OBSL1: variants seen among roughly 807,000 people sequenced by gnomAD.
OBSL1 encodes the protein obscurin-like protein 1.
Under a neutral mutation model 172.0 loss-of-function variants are expected in OBSL1, and 160 were observed. The ratio of observed to expected loss-of-function variants is 0.93; its 90% CI spans 0.82 to 1.06. The LOEUF (loss-of-function observed/expected upper bound fraction) is 1.06. Ranked by LOEUF, OBSL1 falls within the 50% of genes least tolerant of loss-of-function variation. The pLI is 0.00. For missense variants in OBSL1, 2,681 were observed against 2,715.4 expected, an observed-to-expected ratio of 0.99 and a Z score of 0.28; for synonymous variants, 1,200 against 1,196.3, an observed-to-expected ratio of 1.00 and a Z score of -0.06.
At chr2:219,561,600 G>T (rs1156703504) in intron 8 of OBSL1, 1 of 463,144 alleles carries the variant, frequency 2.2e-6, no homozygotes, top group Non-Finnish European at 4.0e-6. Flanking sequence ...GGCCGTGTCT[G>T]CGTGCTGCTG....
Position 219,564,451 on chromosome 2 carries a change from T to C in OBSL1, c.2407+791A>G, listed in dbSNP as rs184398567. Among the ~76,000 whole-genome samples, 21 of 152,352 alleles carry C rather than the reference T, an allele frequency of 1.4e-4. No homozygotes were observed. The East Asian group carries it at 3.3e-3, about 24-fold the overall frequency. On this transcript the variant is annotated intron_variant, in intron 6 of 20. Coordinates refer to ENST00000404537, the MANE Select transcript of OBSL1 (RefSeq NM_015311.3). ...TTTCTTTGCCTGTGAACTGGAGATA[T>C]ATTGCCCCTCATCGAGTTGTGAAGA... is the stretch of plus-strand genomic sequence containing the variant.
intron 5 of OBSL1, 55 bp from the exon 6 acceptor site, chr2:219,565,569 G>A (rs927794707): frequency 1.1e-5 from 17 of 1,550,704 alleles, no homozygotes; most frequent in South Asian, 1.1e-5. Context: ...TGGGCTCAGT[G>A]TCGGATGCAT....
At chr2:219,547,705 G>T (rs774661856), downstream of OBSL1, 1 of 1,571,864 alleles carries the variant, frequency 6.4e-7, no homozygotes, top group African/African-American at 1.3e-5. Context: ...TCCTGGTGGG[G>T]CTGCTGCTCG....
intron 14 of OBSL1, 59 bp downstream of exon 14, chr2:219,555,961 A>G (rs753603708): frequency 6.3e-7 from 1 of 1,581,120 alleles, no homozygotes; most frequent in Admixed American, 1.7e-5. Flanking sequence ...ACTCCAGGAC[A>G]GCCAGAAAAG....
intron 11 of OBSL1, 85 bp from the exon 12 acceptor site, chr2:219,557,703 T>G: frequency 1.3e-6 from 2 of 1,522,776 alleles, no homozygotes; most frequent in Non-Finnish European, 1.7e-6. Context: ...GGGAAGGTAC[T>G]GAGAGAAGTG....
intron 7 of OBSL1, 31 bp downstream of exon 7, chr2:219,563,324 C>G: frequency 6.5e-7 from 1 of 1,531,170 alleles, no homozygotes; most frequent in Non-Finnish European, 8.8e-7. Context: ...GCACCTTCCC[C>G]TGTGCCTCCG....
rs370802978 is a variant in OBSL1, at chr2:219,565,239, G to T, written c.2407+3C>A. On this transcript the variant is annotated splice_donor_region_variant and intron_variant, in intron 6 of 20. Transcript: ENST00000404537. ...AGGAGCCCAGGCTGGCATGCTTCCT[G>T]ACCTTGGACAGTGACGCCGAAGAAG... 1 of 1,605,646 alleles carries T rather than the reference G, an allele frequency of 6.2e-7. No individual in the cohort carries two copies. The highest frequency in any genetic ancestry group is 8.5e-7 in the Non-Finnish European group (1 of 1,174,738).
chr2:219,550,534 C>A (rs756169108), downstream of OBSL1: 47 of 440,856 alleles, frequency 1.1e-4, no homozygotes, highest in Non-Finnish European at 1.9e-4. Flanking sequence ...TTCTGTCTCC[C>A]CCACCCCACT....
At position 219,556,683 on chromosome 2, in the gene OBSL1, G is replaced by A; in HGVS notation, c.4107C>T (p.Leu1369=). The change falls in exon 13 of 21, where the codon CTC becomes CTT. Residue 1369 remains leucine, a synonymous_variant. Coordinates refer to ENST00000404537, the MANE Select transcript of OBSL1 (RefSeq NM_015311.3). ...TGGCATCATCGCCCTCGTGGACAGT[G>A]AGTGGTGTCAGCTCCGAGACCAGCT... ...LVKLVSELTP[L]TVHEGDDATF... The A allele has an allele frequency of 6.2e-7, 1 of 1,610,136 alleles. No homozygotes were observed. The highest frequency in any genetic ancestry group is 8.5e-7 in the Non-Finnish European group (1 of 1,176,656).
Position 219,554,502 on chromosome 2 carries a change from C to T in OBSL1, c.4848G>A (p.Leu1616=), listed in dbSNP as rs1021188161. 9 of 1,613,184 alleles carry T rather than the reference C, an allele frequency of 5.6e-6. No individual in the cohort carries two copies. Among genetic ancestry groups the T allele is most frequent in the Admixed American group, 1.7e-5 (1 of 60,008 alleles). The part of the protein sequence containing the change: ...SGCVSFTADS[L]RCAARLIVRE... ...TCACAATGAGTCTGGCTGCGCAGCG[C>T]AGGGAATCCGCTGTGAAGGAGACAC... Residue 1616 remains leucine, a synonymous_variant, in exon 15 of 21, where the codon CTG becomes CTA. Coordinates refer to ENST00000404537, the MANE Select transcript of OBSL1 (RefSeq NM_015311.3).
intron 1 of OBSL1, chr2:219,569,256 T>C (rs1249009363): frequency 2.6e-5 from 4 of 152,152 alleles, no homozygotes; most frequent in Admixed American, 2.0e-4. Context: ...CTGATGAATC[T>C]GTGAGCATTG....
intron 20 of OBSL1, 28 bp downstream of exon 20, chr2:219,551,501 C>T (rs781731434): frequency 1.9e-6 from 3 of 1,549,026 alleles, no homozygotes; most frequent in Non-Finnish European, 2.6e-6. Context: ...CCTCACCCTC[C>T]TGCCGCTGCC....
At position 219,554,746 on chromosome 2, in the gene OBSL1, CG is replaced by C; in HGVS notation, c.4610-7del. 6.5e-7 allele frequency: 1 copy of C among 1,538,084 alleles called. No homozygotes were observed. Among genetic ancestry groups the C allele is most frequent in the Non-Finnish European group, 8.8e-7 (1 of 1,138,038 alleles). On this transcript the variant is annotated splice_region_variant and splice_polypyrimidine_tract_variant and intron_variant, in intron 14 of 20. Transcript: ENST00000404537. ...CAGCACCCTCAGCTGCCTCGCTGGCCGGGGGAGATGGAGAGAGGGAGGATGA... is the reference window on the plus strand; with the variant it reads ...CAGCACCCTCAGCTGCCTCGCTGGCCGGGGAGATGGAGAGAGGGAGGATGA...
At chr2:219,549,741 C>T (rs140828217), downstream of OBSL1, 15 of 1,613,990 alleles carry the variant, frequency 9.3e-6, no homozygotes, top group South Asian at 3.3e-5. Flanking sequence ...CTTCCGAGAC[C>T]GGCAGACCGG....
rs1400477569 is a variant in OBSL1, at chr2:219,552,984, T to TGGAGCC, written c.5024_5029dup (p.Arg1675_Leu1676dup). The TGGAGCC allele has an allele frequency of 3.9e-6, 6 of 1,528,788 alleles. No individual in the cohort carries two copies. The highest frequency in any genetic ancestry group is 4.0e-5 in the Admixed American group (2 of 49,938). The allele number at this position is 1,528,788 out of a possible 1,614,324, so 94.7% of individuals were successfully genotyped here. On this transcript the variant is annotated inframe_insertion, in exon 17 of 21. Transcript: ENST00000404537. ...GAGAAGGCGGCGCGTGCCGAGGGCCTGGAGCCGGAGCCGCGGGCTAGGCGT... is the reference window on the plus strand; with the variant it reads ...GAGAAGGCGGCGCGTGCCGAGGGCCTGGAGCCGGAGCCGGAGCCGCGGGCTAGGCGT...
chr2:219,553,056 A>C (rs768279166), intron 16 of OBSL1, 32 bp from the exon 17 acceptor site: 1 of 1,452,280 alleles, frequency 6.9e-7, no homozygotes, highest in South Asian at 1.4e-5. Context: ...GGTCGGGGCG[A>C]GCCCGGCTGG....
chr2:219,548,877 G>C (rs1695455594), downstream of OBSL1, among the ~76,000 whole-genome samples: 1 of 152,078 alleles, frequency 6.6e-6, no homozygotes, highest in Non-Finnish European at 1.5e-5. Flanking sequence ...GATGATGATG[G>C]CTGGCCTAGG....
At chr2:219,558,571 C>G in intron 9 of OBSL1, 112 bp from the exon 10 acceptor site, 2 of 1,245,926 alleles carry the variant, frequency 1.6e-6, no homozygotes, top group Non-Finnish European at 2.2e-6. Context: ...GAGAACAGTG[C>G]CAGCTGCAGT....
chr2:219,553,829 A>G, intron 15 of OBSL1, 143 bp from the exon 16 acceptor site: 2 of 195,030 alleles, frequency 1.0e-5, no homozygotes, highest in East Asian at 1.5e-4. Flanking sequence ...TGGTCCAAGA[A>G]GGATCTGTCA....
Sources: gnomAD v4.1 joint callset for allele counts (sites outside exome capture counted in the v4.1 genomes callset) on GRCh38, gnomAD v4.1.1 for gene constraint, MANE v1.5 for transcripts, NCBI Gene and HGNC (gene_info 2026-07-23, HGNC 2026-07-21) for gene names.